DPYD: variants seen among roughly 807,000 people sequenced by gnomAD.
The protein encoded by DPYD is dihydropyrimidine dehydrogenase [NADP(+)].
DPYD carries 109 observed loss-of-function variants against 116.2 expected under a neutral mutation model. That is an observed-to-expected ratio of 0.94 (90% CI 0.80 to 1.10). The LOEUF (loss-of-function observed/expected upper bound fraction) is 1.10. Ranked by LOEUF, DPYD falls within the 50% of genes least tolerant of loss-of-function variation. The pLI is 0.00. For missense variants in DPYD, 1,302 were observed against 1,254.5 expected (o/e 1.04, Z -0.57); for synonymous variants, 440 against 432.0 (o/e 1.02, Z -0.23).
chr1:97,739,905 G>T (rs1664168441), intron 4 of DPYD, among the ~76,000 whole-genome samples: 1 of 151,698 alleles, frequency 6.6e-6, no homozygotes, highest in Non-Finnish European at 1.5e-5. Flanking sequence ...TTTTAGTTGT[G>T]TATTTTTTTT....
chr1:97,790,151 C>A (rs1015259067), intron 3 of DPYD, among the ~76,000 whole-genome samples: 3 of 152,152 alleles, frequency 2.0e-5, no homozygotes, highest in Admixed American at 6.5e-5. Flanking sequence ...GGAATCCCCA[C>A]ACTGCTTACC....
At chr1:97,490,934 C>T (rs1351787965) in intron 13 of DPYD, among the ~76,000 whole-genome samples, 2 of 150,820 alleles carry the variant, frequency 1.3e-5, no homozygotes, top group African/African-American at 4.9e-5. Context: ...TACTGATTTG[C>T]TATTTTTCTT....
intron 20 of DPYD, among the ~76,000 whole-genome samples, chr1:97,118,108 T>C (rs1368109514): frequency 7.2e-5 from 11 of 152,198 alleles, no homozygotes; most frequent in African/African-American, 2.4e-4. Context: ...TAATTGTATA[T>C]ATCTATTGAT....
intron 14 of DPYD, among the ~76,000 whole-genome samples, chr1:97,398,671 T>G (rs2101627338): frequency 6.6e-6 from 1 of 152,338 alleles, no homozygotes; most frequent in Non-Finnish European, 1.5e-5. Flanking sequence ...CATTGTGGTT[T>G]TGATTTGCAT....
At chr1:97,633,845 C>T (rs780175280) in intron 8 of DPYD, among the ~76,000 whole-genome samples, 17 of 152,044 alleles carry the variant, frequency 1.1e-4, no homozygotes, top group Admixed American at 3.3e-4. Context: ...ATGGAATAGT[C>T]GGGTTATATT....
intron 19 of DPYD, among the ~76,000 whole-genome samples, chr1:97,234,217 C>G: frequency 6.6e-6 from 1 of 151,960 alleles, no homozygotes; most frequent in East Asian, 1.9e-4. Flanking sequence ...CAGTACTAAG[C>G]CCATGTTGAG....
At chr1:97,314,436 C>CCTCT (rs1667692888) in intron 16 of DPYD, among the ~76,000 whole-genome samples, 1 of 150,636 alleles carries the variant, frequency 6.6e-6, no homozygotes, top group Non-Finnish European at 1.5e-5. Flanking sequence ...GTGTACCATT[C>CCTCT]CTCTGACATT....
At chr1:97,770,241 C>A (rs1235372426) in intron 3 of DPYD, among the ~76,000 whole-genome samples, 2 of 152,064 alleles carry the variant, frequency 1.3e-5, no homozygotes, top group African/African-American at 2.4e-5. Flanking sequence ...TCATAAAAGT[C>A]TTATTTAATT....
chr1:97,278,279 C>G (rs1485920572), intron 18 of DPYD, among the ~76,000 whole-genome samples: 1 of 152,078 alleles, frequency 6.6e-6, no homozygotes, highest in Admixed American at 6.6e-5. Flanking sequence ...AAGAAAGTAC[C>G]AGAAAAGCCA....
At chr1:97,272,205 C>T (rs1461520924) in intron 18 of DPYD, among the ~76,000 whole-genome samples, 1 of 152,046 alleles carries the variant, frequency 6.6e-6, no homozygotes, top group African/African-American at 2.4e-5. Flanking sequence ...TTTCTGGCCT[C>T]ATGAATAAAA....
chr1:97,498,775 C>T (rs1180758339), intron 13 of DPYD, among the ~76,000 whole-genome samples: 3 of 151,546 alleles, frequency 2.0e-5, no homozygotes, highest in Non-Finnish European at 4.4e-5. Context: ...TCAAACATAT[C>T]CATCACCTCA....
At chr1:97,770,761 G>A (rs1171604728) in intron 3 of DPYD, among the ~76,000 whole-genome samples, 1 of 151,846 alleles carries the variant, frequency 6.6e-6, no homozygotes, top group Non-Finnish European at 1.5e-5. Flanking sequence ...TGCTGCACAC[G>A]TCTCTTTCAA....
At chr1:97,553,121 T>C (rs1651445804) in intron 11 of DPYD, among the ~76,000 whole-genome samples, 1 of 151,934 alleles carries the variant, frequency 6.6e-6, no homozygotes, top group Non-Finnish European at 1.5e-5. Context: ...TATCAAATGG[T>C]TAGGATCATT....
chr1:97,788,286 G>A (rs1487360267), intron 3 of DPYD, among the ~76,000 whole-genome samples: 1 of 152,104 alleles, frequency 6.6e-6, no homozygotes, highest in Non-Finnish European at 1.5e-5. Context: ...TTTGAACCTG[G>A]TTTTAAAGAA....
chr1:97,759,732 G>C, intron 3 of DPYD, among the ~76,000 whole-genome samples: 1 of 151,958 alleles, frequency 6.6e-6, no homozygotes, highest in South Asian at 2.1e-4. Flanking sequence ...TGTTACTAAA[G>C]GCATGATTCT....
At chr1:97,828,021 A>T (rs1669324587) in intron 3 of DPYD, 93 bp downstream of exon 3, 1 of 1,172,848 alleles carries the variant, frequency 8.5e-7, no homozygotes, top group African/African-American at 1.5e-5. Flanking sequence ...ACAGAGCTGA[A>T]TGGTGGCAAT....
chr1:97,121,889 G>T (rs896552954), intron 20 of DPYD, among the ~76,000 whole-genome samples: 3 of 152,138 alleles, frequency 2.0e-5, no homozygotes, highest in African/African-American at 7.2e-5. Flanking sequence ...TACCATGCTT[G>T]GCACTGTAAG....
chr1:97,637,914 G>A (rs1657663739), intron 8 of DPYD, among the ~76,000 whole-genome samples: 1 of 152,100 alleles, frequency 6.6e-6, no homozygotes, highest in Non-Finnish European at 1.5e-5. Context: ...TGTTGACAAG[G>A]TCTCTTTTGC....
intron 13 of DPYD, among the ~76,000 whole-genome samples, chr1:97,477,769 C>A (rs1278901712): frequency 6.6e-6 from 1 of 151,584 alleles, no homozygotes; most frequent in Non-Finnish European, 1.5e-5. Context: ...TACAGGCGCC[C>A]GCCACCGCGC....
Sources: gnomAD v4.1 joint callset for allele counts (sites outside exome capture counted in the v4.1 genomes callset) on GRCh38, gnomAD v4.1.1 for gene constraint, MANE v1.5 for transcripts, NCBI Gene and HGNC (gene_info 2026-07-23, HGNC 2026-07-21) for gene names.